The following ERC2 variants were observed in gnomAD, a reference collection of about 807,000 sequenced individuals.
The protein encoded by ERC2 is ELKS/RAB6-interacting/CAST family member 2.
ERC2 carries 42 observed loss-of-function variants against 114.8 expected under a neutral mutation model. That is an observed-to-expected ratio of 0.37 (90% CI 0.29 to 0.47). ERC2 has a LOEUF of 0.47. Ranked by LOEUF, ERC2 falls within the 20% of genes least tolerant of loss-of-function variation. The probability of loss-of-function intolerance (pLI) is 0.99; values close to 1 mark genes in which losing one functional copy is unlikely to be tolerated. For missense variants in ERC2, 939 were observed against 1,150.7 expected, an observed-to-expected ratio of 0.82 and a Z score of 2.66; for synonymous variants, 454 against 425.5, an observed-to-expected ratio of 1.07 and a Z score of -0.82.
chr3:56,408,435 G>A (rs2060810557), intron 2 of ERC2, among the ~76,000 whole-genome samples: 1 of 151,960 alleles, frequency 6.6e-6, no homozygotes. Flanking sequence ...GGCATAATGT[G>A]GGACTACAGA....
At chr3:55,869,028 CAT>C (rs1290115971) in intron 14 of ERC2, among the ~76,000 whole-genome samples, 1 of 152,128 alleles carries the variant, frequency 6.6e-6, no homozygotes, top group Non-Finnish European at 1.5e-5. Context: ...TTATTATAAA[CAT>C]ATAAATTATT....
chr3:55,724,726 C>G (rs899893211), intron 15 of ERC2, among the ~76,000 whole-genome samples: 2 of 152,172 alleles, frequency 1.3e-5, no homozygotes, highest in Non-Finnish European at 2.9e-5. Flanking sequence ...ACACATTATA[C>G]CCACTCCTAA....
chr3:55,958,269 G>A (rs1227716137), intron 12 of ERC2, among the ~76,000 whole-genome samples: 1 of 152,210 alleles, frequency 6.6e-6, no homozygotes, highest in Non-Finnish European at 1.5e-5. Context: ...GAGATCTGAA[G>A]CAGGTAGCTC....
intron 17 of ERC2, among the ~76,000 whole-genome samples, chr3:55,650,009 C>T (rs181524225): frequency 6.6e-6 from 1 of 152,206 alleles, no homozygotes; most frequent in Non-Finnish European, 1.5e-5. Flanking sequence ...CGGCTCAGCC[C>T]TTCCACTGCC....
At chr3:56,349,178 G>A (rs2058453763) in intron 2 of ERC2, among the ~76,000 whole-genome samples, 1 of 152,168 alleles carries the variant, frequency 6.6e-6, no homozygotes, top group Non-Finnish European at 1.5e-5. Flanking sequence ...TTGTTCTGGA[G>A]TTCTAAATGA....
chr3:55,711,230 C>G (rs1281740258), intron 15 of ERC2, among the ~76,000 whole-genome samples: 1 of 152,120 alleles, frequency 6.6e-6, no homozygotes, highest in Non-Finnish European at 1.5e-5. Context: ...ACTGATTAGG[C>G]TTTATAATTT....
Position 56,200,377 on chromosome 3 carries a change from T to C in ERC2, c.1075-26857A>G, listed in dbSNP as rs886779293. 2.0e-5 allele frequency among the ~76,000 whole-genome samples: 3 copies of C among 151,976 alleles called. No individual in the cohort carries two copies. In the East Asian group the frequency reaches 5.8e-4, roughly 29 times the overall value. ...AAAAAAAAAAAACTACCTAGTATCT[T>C]TTTACTAAGAAAAATATCTTTCCTC... On this transcript the variant is annotated intron_variant, in intron 3 of 17. Coordinates refer to ENST00000288221, the MANE Select transcript of ERC2 (RefSeq NM_015576.3).
In ERC2 at chr3:55,699,510, G is replaced by A. The variant is rs756234360; in HGVS notation, c.2715C>T (p.Thr905=). Residue 905 remains threonine, a splice_region_variant and synonymous_variant, in exon 16 of 18, where the codon ACC becomes ACT. Coordinates refer to ENST00000288221, the MANE Select transcript of ERC2 (RefSeq NM_015576.3). ...DRLVHQLKQQ[T]QNRMKLMADN... ...CTGCCATCAACTTCATTCTGTTCTG[G>A]GTCTGTGCAGAACAAAAACCAAGGA... The A allele has an allele frequency of 3.7e-6, 6 of 1,609,074 alleles. No homozygotes were observed. Among genetic ancestry groups the A allele is most frequent in the Non-Finnish European group, 4.3e-6 (5 of 1,176,344 alleles).
At chr3:56,098,744 T>C (rs2078195644) in intron 6 of ERC2, among the ~76,000 whole-genome samples, 1 of 152,122 alleles carries the variant, frequency 6.6e-6, no homozygotes, top group African/African-American at 2.4e-5. Flanking sequence ...GGTGAAAAGA[T>C]GGGCAGGATG....
intron 14 of ERC2, among the ~76,000 whole-genome samples, chr3:55,874,317 G>A (rs2062724339): frequency 1.3e-5 from 2 of 152,128 alleles, no homozygotes; most frequent in South Asian, 4.1e-4. Flanking sequence ...GAAGGAGTAT[G>A]GGGGTGTTTT....
intron 15 of ERC2, among the ~76,000 whole-genome samples, chr3:55,724,898 C>T (rs573113729): frequency 2.0e-5 from 3 of 152,122 alleles, no homozygotes; most frequent in South Asian, 2.1e-4. Context: ...TTCTCTGAGG[C>T]GGTAATGAAC....
chr3:55,966,643 G>A (rs1199266936), intron 12 of ERC2, among the ~76,000 whole-genome samples: 2 of 152,130 alleles, frequency 1.3e-5, no homozygotes, highest in Non-Finnish European at 2.9e-5. Context: ...AGGCAGTGCT[G>A]GAGCTCCACC....
At chr3:56,224,537 T>C (rs12490280) in intron 3 of ERC2, among the ~76,000 whole-genome samples, 13,238 of 152,106 alleles carry the variant, frequency 0.087, 799 homozygotes, top group Admixed American at 0.15. Context: ...TGCCACAGTC[T>C]ATGCATCCTT....
chr3:55,957,896 G>A (rs947573663), intron 12 of ERC2, among the ~76,000 whole-genome samples: 1 of 152,204 alleles, frequency 6.6e-6, no homozygotes, highest in Non-Finnish European at 1.5e-5. Context: ...CCTGGCTCCG[G>A]GAGACCCTAG....
intron 17 of ERC2, among the ~76,000 whole-genome samples, chr3:55,622,554 G>A (rs1162812043): frequency 6.6e-6 from 1 of 152,030 alleles, no homozygotes; most frequent in African/African-American, 2.4e-5. Context: ...CAAGCTACCA[G>A]CAATTTCTTC....
At chr3:55,653,479 G>T (rs969885382) in intron 17 of ERC2, among the ~76,000 whole-genome samples, 1 of 152,122 alleles carries the variant, frequency 6.6e-6, no homozygotes, top group Non-Finnish European at 1.5e-5. Context: ...AGATTATACC[G>T]ATGTGGAAAG....
intron 2 of ERC2, among the ~76,000 whole-genome samples, chr3:56,343,188 T>TCACACACACACACACACACACACA (rs1247948473): frequency 1.3e-3 from 42 of 31,452 alleles, no homozygotes; most frequent in African/African-American, 4.0e-3. Context: ...TCTCTCTCTC[T>TCACACACACACACACACACACACA]CTCTCACACA....
chr3:55,998,155 C>A (rs1028957371), intron 10 of ERC2, among the ~76,000 whole-genome samples: 4 of 151,236 alleles, frequency 2.6e-5, no homozygotes, highest in Non-Finnish European at 5.9e-5. Flanking sequence ...TTAAAACAAC[C>A]ACACCAAAAA....
intron 16 of ERC2, among the ~76,000 whole-genome samples, chr3:55,691,560 AAAAAAAAAAAAAAATATATATAT>A (rs1480131648): frequency 2.5e-4 from 21 of 84,634 alleles, no homozygotes; most frequent in African/African-American, 8.9e-4. Flanking sequence ...AAAAAAAAAA[AAAAAAAAAAAAAAATATATATAT>A]ATATATATAT....
Sources: gnomAD v4.1 joint callset for allele counts (sites outside exome capture counted in the v4.1 genomes callset) on GRCh38, gnomAD v4.1.1 for gene constraint, MANE v1.5 for transcripts, NCBI Gene and HGNC (gene_info 2026-07-23, HGNC 2026-07-21) for gene names.